The following JAKMIP1 variants were observed in gnomAD, a reference collection of about 807,000 sequenced individuals.
JAKMIP1 encodes the protein janus kinase and microtubule interacting protein 1, also known as janus kinase and microtubule-interacting protein 1.
JAKMIP1 carries 33 observed loss-of-function variants against 113.0 expected under a neutral mutation model. The ratio of observed to expected loss-of-function variants is 0.29; its 90% CI spans 0.22 to 0.39. The LOEUF is 0.39. Among genes scored for constraint, JAKMIP1 ranks in the 10% least tolerant of loss-of-function variants. The pLI is 1.00. For missense variants in JAKMIP1, 813 were observed against 1,080.5 expected (o/e 0.75, Z 3.47); for synonymous variants, 480 against 459.9 (o/e 1.04, Z -0.56).
At chr4:6,149,975 C>T (rs1204799239) in intron 1 of JAKMIP1, among the ~76,000 whole-genome samples, 1 of 152,176 alleles carries the variant, frequency 6.6e-6, no homozygotes, top group African/African-American at 2.4e-5. Context: ...CCCCTGCTTA[C>T]CAGGAACGTC....
intron 12 of JAKMIP1, among the ~76,000 whole-genome samples, chr4:6,056,433 G>T (rs1185218273): frequency 1.3e-5 from 2 of 152,252 alleles, no homozygotes; most frequent in Non-Finnish European, 2.9e-5. Context: ...TGGGAAGACA[G>T]GCCAGGCCTC....
rs28673579 is a variant in JAKMIP1 at position 6,042,136 on chromosome 4, C to G, written c.2097+23G>C. 0.02 allele frequency: 32,792 copies of G among 1,605,376 alleles called. 3,440 individuals are homozygous for G. The African/African-American group carries it at 0.3, about 14-fold the overall frequency. ...GAGCTCTTTGAACCCTCTCCCCCAC[C>G]CCCAGGCAGTCAAATCTTTTACCTT... On this transcript the variant is annotated intron_variant, in intron 17 of 20. Transcript: ENST00000409021. The surrounding 1 kb of genome is among the most constrained non-coding windows in gnomAD (Gnocchi z 5.2).
chr4:6,053,219 C>T (rs1444687858), intron 13 of JAKMIP1, among the ~76,000 whole-genome samples: 2 of 152,120 alleles, frequency 1.3e-5, no homozygotes, highest in Non-Finnish European at 2.9e-5. Context: ...AGTAACACAC[C>T]CGAGGTAAGA....
Position 6,140,414 on chromosome 4 carries a change from C to G in JAKMIP1, c.-147-27417G>C, listed in dbSNP as rs976140925. Among the ~76,000 whole-genome samples the G allele has an allele frequency of 1.3e-5, 2 of 152,056 alleles. No homozygotes were observed. The highest frequency in any genetic ancestry group is 2.9e-5 in the Non-Finnish European group (2 of 68,026). ...CACTGTCCCTGTTCCCCCAAAAGGC[C>G]CACCACAGACCCACCCCAGGAGTGT... On this transcript the variant is annotated intron_variant, in intron 1 of 20. Coordinates refer to ENST00000409021, the MANE Select transcript of JAKMIP1 (RefSeq NM_001099433.2). This position sits in a 1 kb window ranked among gnomAD's most constrained non-coding sequence, Gnocchi z 9.4.
chr4:6,104,393 C>T (rs1248213062), intron 3 of JAKMIP1, among the ~76,000 whole-genome samples: 1 of 152,160 alleles, frequency 6.6e-6, no homozygotes, highest in East Asian at 1.9e-4. Flanking sequence ...AATGCATTCC[C>T]ACTGAATTGA....
rs2285973 is a variant in JAKMIP1 at position 6,064,669 on chromosome 4, G to A, written c.1431+211C>T. On this transcript the variant is annotated intron_variant, in intron 9 of 20. Coordinates refer to ENST00000409021, the MANE Select transcript of JAKMIP1 (RefSeq NM_001099433.2). The surrounding 1 kb of genome is among the most constrained non-coding windows in gnomAD (Gnocchi z 4.3). The stretch of plus-strand genomic sequence containing the variant: ...TGCTGGGGAAAGAAAGGGTCCCCAC[G>A]TGCTGCCCTCCCATCGCCATTCATG... 2.0e-4 allele frequency among the ~76,000 whole-genome samples: 31 copies of A among 152,222 alleles called. No individual in the cohort carries two copies. In the East Asian group the frequency reaches 5.6e-3, roughly 28 times the overall value.
rs745997736 is a variant in JAKMIP1, at chr4:6,105,944, C to G, written c.153G>C (p.Leu51=). 1.7e-5 allele frequency: 27 copies of G among 1,604,584 alleles called. No individual in the cohort carries two copies. Among genetic ancestry groups the G allele is most frequent in the Non-Finnish European group, 2.0e-5 (24 of 1,176,614 alleles). ...KSKVGKLRER[L]QEAKLEREQE... Reference sequence around the variant, plus strand: ...GCTCGCGCTCCAGCTTCGCCTCCTGCAGCCGCTCGCGCAGTTTGCCCACCT... The same window carrying G: ...GCTCGCGCTCCAGCTTCGCCTCCTGGAGCCGCTCGCGCAGTTTGCCCACCT... Residue 51 remains leucine (L), a synonymous_variant, in exon 3 of 21, where the codon CTG becomes CTC. Coordinates refer to ENST00000409021, the MANE Select transcript of JAKMIP1 (RefSeq NM_001099433.2).
chr4:6,046,623 C>G (rs1354753574), intron 16 of JAKMIP1, among the ~76,000 whole-genome samples: 1 of 152,136 alleles, frequency 6.6e-6, no homozygotes, highest in Non-Finnish European at 1.5e-5. Context: ...AGGTGGGCAG[C>G]TGCCAGGCGA....
In JAKMIP1 at chr4:6,093,629, A is replaced by T. The variant is rs2108847234; in HGVS notation, c.625-8000T>A. 6.6e-6 allele frequency among the ~76,000 whole-genome samples: 1 copy of T among 152,338 alleles called. No homozygotes were observed. The highest frequency in any genetic ancestry group is 6.5e-5 in the Admixed American group (1 of 15,306). Reference sequence around the variant, plus strand: ...GCAAAACAGTCACCTCATAAAGGTCAGCAGTCTCTTGAAGTTCAGGGTCCT... The same window carrying T: ...GCAAAACAGTCACCTCATAAAGGTCTGCAGTCTCTTGAAGTTCAGGGTCCT... On this transcript the variant is annotated intron_variant, in intron 3 of 20. Coordinates refer to ENST00000409021, the MANE Select transcript of JAKMIP1 (RefSeq NM_001099433.2). This position sits in a 1 kb window ranked among gnomAD's most constrained non-coding sequence, Gnocchi z 4.6.
At position 6,042,279 on chromosome 4, in the gene JAKMIP1, A is replaced by C; in HGVS notation, c.2029-52T>G. 7.0e-7 allele frequency: 1 copy of C among 1,430,422 alleles called. No individual in the cohort carries two copies. The highest frequency in any genetic ancestry group is 9.9e-7 in the Non-Finnish European group (1 of 1,014,622). 88.6% of individuals were successfully genotyped at this position (1,430,422 alleles called of 1,614,324 possible). A position where few individuals can be genotyped will look rare whatever the true frequency, so the allele number is the denominator to read the frequency against. On this transcript the variant is annotated intron_variant, in intron 16 of 20. Coordinates refer to ENST00000409021, the MANE Select transcript of JAKMIP1 (RefSeq NM_001099433.2). This position sits in a 1 kb window ranked among gnomAD's most constrained non-coding sequence, Gnocchi z 5.2. ...TGCAGCAAAGTGAGAGTCAGAACCC[A>C]AGGGGCTGTGGAATTTCACAGGTGT...
chr4:6,041,471 C>T (rs978319265), intron 17 of JAKMIP1, among the ~76,000 whole-genome samples: 1 of 152,148 alleles, frequency 6.6e-6, no homozygotes, highest in Non-Finnish European at 1.5e-5. Flanking sequence ...ATTTCCATTT[C>T]TCCTTGGAGA....
In JAKMIP1 at chr4:6,080,535, T is replaced by C. The variant is rs558965730; in HGVS notation, c.1102-223A>G. On this transcript the variant is annotated intron_variant, in intron 6 of 20. Coordinates refer to ENST00000409021, the MANE Select transcript of JAKMIP1 (RefSeq NM_001099433.2). The surrounding 1 kb of genome is among the most constrained non-coding windows in gnomAD (Gnocchi z 6.0). ...GTGGGAGGGGCCAGGTGGGAGATCATTGAATCATGGTGGCGGTTTCTCTCA... is the reference window on the plus strand; with the variant it reads ...GTGGGAGGGGCCAGGTGGGAGATCACTGAATCATGGTGGCGGTTTCTCTCA... 3.9e-5 allele frequency among the ~76,000 whole-genome samples: 6 copies of C among 152,248 alleles called. No homozygotes were observed. In the East Asian group the frequency reaches 1.2e-3, roughly 29 times the overall value.
chr4:6,048,826 G>T, intron 16 of JAKMIP1, 31 bp downstream of exon 16: 2 of 1,590,236 alleles, frequency 1.3e-6, no homozygotes, highest in Non-Finnish European at 1.7e-6. Context: ...CTGGGACAAG[G>T]TGTGAGCACA....
rs1056632675 is a variant in JAKMIP1, at chr4:6,086,846, C to T, written c.625-1217G>A. The stretch of plus-strand genomic sequence containing the variant: ...CACAGAGGGGAAGGCCGTGTAAGGA[C>T]GGAGGCAGAGGCTGGAGGGACACAG... On this transcript the variant is annotated intron_variant, in intron 3 of 20. Coordinates refer to ENST00000409021, the MANE Select transcript of JAKMIP1 (RefSeq NM_001099433.2). This position sits in a 1 kb window ranked among gnomAD's most constrained non-coding sequence, Gnocchi z 4.1. Among the ~76,000 whole-genome samples the T allele has an allele frequency of 2.0e-5, 3 of 151,976 alleles. No homozygotes were observed. Among genetic ancestry groups the T allele is most frequent in the Non-Finnish European group, 4.4e-5 (3 of 68,000 alleles).
At chr4:6,066,773 ATC>A (rs369563235) in intron 8 of JAKMIP1, among the ~76,000 whole-genome samples, 64 of 151,472 alleles carry the variant, frequency 4.2e-4, no homozygotes, top group African/African-American at 1.5e-3. Flanking sequence ...AGCCACCAAT[ATC>A]TCTCTCTCTG....
rs538249111 is a variant in JAKMIP1, at chr4:6,153,472, A to C, written c.-147-40475T>G. Among the ~76,000 whole-genome samples, 1 of 152,332 alleles carries C rather than the reference A, an allele frequency of 6.6e-6. No homozygotes were observed. Among genetic ancestry groups the C allele is most frequent in the African/African-American group, 2.4e-5 (1 of 41,580 alleles). ...GCACTGGAGCCAACGGTGTTTCCCA[A>C]ACCTCAGTCATCAGTTGCCGCCGCT... On this transcript the variant is annotated intron_variant, in intron 1 of 20. Coordinates refer to ENST00000409021, the MANE Select transcript of JAKMIP1 (RefSeq NM_001099433.2). The surrounding 1 kb of genome is among the most constrained non-coding windows in gnomAD (Gnocchi z 4.9).
chr4:6,130,183 T>C (rs1350396589), intron 1 of JAKMIP1, among the ~76,000 whole-genome samples: 2 of 152,130 alleles, frequency 1.3e-5, no homozygotes, highest in Non-Finnish European at 2.9e-5. Flanking sequence ...GGACTCTATA[T>C]AAGAGGAAGG....
chr4:6,105,955 G>A lies in JAKMIP1; in HGVS notation c.142C>T (p.Arg48Cys), dbSNP rs1713870602. ...QQEKSKVGKLRERLQEAKLER... is the reference protein window; with the variant it reads ...QQEKSKVGKLCERLQEAKLER... ...AGCTTCGCCTCCTGCAGCCGCTCGC[G>A]CAGTTTGCCCACCTGCAGCCAGAGC... The change falls in exon 3 of 21, where the codon CGC (arginine) becomes TGC (cysteine). Residue 48 changes from arginine to cysteine, a missense_variant. This residue lies in a region of JAKMIP1 where 540 missense variants were observed against 653.9 expected (regional missense o/e 0.83). Transcript: ENST00000409021. The A allele has an allele frequency of 6.3e-7, 1 of 1,596,432 alleles. No individual in the cohort carries two copies.
chr4:6,196,605 G>A lies in JAKMIP1; in HGVS notation c.-148+3648C>T, dbSNP rs534567575. Among the ~76,000 whole-genome samples the A allele has an allele frequency of 3.9e-5, 6 of 152,266 alleles. No homozygotes were observed. In the East Asian group the frequency reaches 1.2e-3, roughly 29 times the overall value. On this transcript the variant is annotated intron_variant, in intron 1 of 20. Coordinates refer to ENST00000409021, the MANE Select transcript of JAKMIP1 (RefSeq NM_001099433.2). ...GCGGTGGCTCACGCCTGTACTCCCA[G>A]CACGTTGGGAGGCCGAGGCGGGCAA...
Sources: allele counts gnomAD v4.1 joint callset (sites outside exome capture counted in the v4.1 genomes callset), GRCh38; gene constraint gnomAD v4.1.1; regional missense constraint gnomAD v4.1.1; non-coding constraint Gnocchi (gnomAD v3.1); transcripts MANE v1.5; gene names NCBI Gene and HGNC (gene_info 2026-07-23, HGNC 2026-07-21).